The following NRG3 variants were observed in gnomAD, a reference collection of about 807,000 sequenced individuals.
NRG3 encodes pro-neuregulin-3, membrane-bound isoform.
A neutral mutation model predicts 66.9 loss-of-function variants in NRG3; 31 were observed. That is an observed-to-expected ratio of 0.46 (90% CI 0.35 to 0.63). The LOEUF is 0.63. Among genes scored for constraint, NRG3 ranks in the 20% least tolerant of loss-of-function variants. The pLI, the probability that NRG3 is intolerant of heterozygous loss-of-function variation, is 0.00. For missense variants in NRG3, 910 were observed against 878.9 expected (o/e 1.04, Z -0.45); for synonymous variants, 393 against 359.4 (o/e 1.09, Z -1.06).
At chr10:82,235,174 G>A (rs1264557836) in intron 1 of NRG3, among the ~76,000 whole-genome samples, 1 of 152,200 alleles carries the variant, frequency 6.6e-6, no homozygotes, top group Non-Finnish European at 1.5e-5. Flanking sequence ...GTTTTTGTAA[G>A]CAACAAATTT....
intron 2 of NRG3, among the ~76,000 whole-genome samples, chr10:82,380,283 A>G (rs1382605461): frequency 6.6e-6 from 1 of 151,934 alleles, no homozygotes; most frequent in Non-Finnish European, 1.5e-5. Flanking sequence ...TTTGCAATTA[A>G]CGCTGTAGTA....
At chr10:82,316,032 AT>A (rs2081277264) in intron 1 of NRG3, among the ~76,000 whole-genome samples, 1 of 152,090 alleles carries the variant, frequency 6.6e-6, no homozygotes, top group East Asian at 1.9e-4. Context: ...TTCTAAGGAA[AT>A]TCAGTTCTGA....
chr10:81,986,278 T>G lies in NRG3; in HGVS notation c.823+110115T>G, dbSNP rs1473507348. On this transcript the variant is annotated intron_variant, in intron 1 of 8. Transcript: ENST00000372141. ...TGTAACATTCTAGTAAATTTAATAC[T>G]AGTACCCTTAAAATTAACTGATATA... 2.6e-5 allele frequency among the ~76,000 whole-genome samples: 4 copies of G among 152,244 alleles called. No homozygotes were observed. The East Asian group carries it at 7.7e-4, about 29-fold the overall frequency.
At chr10:82,018,535 A>C (rs956070582) in intron 1 of NRG3, among the ~76,000 whole-genome samples, 3 of 152,064 alleles carry the variant, frequency 2.0e-5, no homozygotes, top group Non-Finnish European at 4.4e-5. Flanking sequence ...CAGCATGGCC[A>C]TTTTCATGAT....
intron 1 of NRG3, among the ~76,000 whole-genome samples, chr10:82,145,906 G>C (rs1451383437): frequency 6.6e-6 from 1 of 152,204 alleles, no homozygotes; most frequent in Non-Finnish European, 1.5e-5. Flanking sequence ...GTAGTAACCA[G>C]GGTAAAGAAT....
At chr10:82,490,725 G>T (rs1206753601) in intron 2 of NRG3, among the ~76,000 whole-genome samples, 1 of 152,028 alleles carries the variant, frequency 6.6e-6, no homozygotes, top group African/African-American at 2.4e-5. Flanking sequence ...TCCAGTACTT[G>T]ATTCCTATTC....
At chr10:82,725,785 T>C (rs1414522233) in intron 2 of NRG3, among the ~76,000 whole-genome samples, 4 of 152,192 alleles carry the variant, frequency 2.6e-5, no homozygotes, top group Non-Finnish European at 5.9e-5. Flanking sequence ...ACAGGTGTAC[T>C]GTATTTTACC....
At chr10:82,871,115 T>C (rs1841301029) in intron 4 of NRG3, among the ~76,000 whole-genome samples, 1 of 152,178 alleles carries the variant, frequency 6.6e-6, no homozygotes, top group Non-Finnish European at 1.5e-5. Flanking sequence ...AAGGTCTGTG[T>C]CTAGGTGCAT....
intron 1 of NRG3, among the ~76,000 whole-genome samples, chr10:81,919,732 A>C (rs753476592): frequency 2.6e-5 from 4 of 152,136 alleles, no homozygotes; most frequent in Non-Finnish European, 4.4e-5. Context: ...AAACCAAGGC[A>C]AATGAAGCAC....
intron 2 of NRG3, among the ~76,000 whole-genome samples, chr10:82,611,793 A>T (rs1378653704): frequency 6.6e-6 from 1 of 152,142 alleles, no homozygotes; most frequent in Non-Finnish European, 1.5e-5. Flanking sequence ...CAGTAATAGG[A>T]TCACTGGGTC....
At chr10:82,308,464 A>T (rs780785831) in intron 1 of NRG3, among the ~76,000 whole-genome samples, 1 of 151,940 alleles carries the variant, frequency 6.6e-6, no homozygotes, top group Non-Finnish European at 1.5e-5. Context: ...TATGGCTTCT[A>T]CTTGATTCAG....
chr10:82,572,231 G>A (rs533591832), intron 2 of NRG3, among the ~76,000 whole-genome samples: 2 of 151,014 alleles, frequency 1.3e-5, no homozygotes, highest in Non-Finnish European at 3.0e-5. Flanking sequence ...TCAGCTCCTC[G>A]TGTGTTCTTA....
Position 82,201,192 on chromosome 10 carries a change from G to A in NRG3, c.824-157547G>A, listed in dbSNP as rs1344672502. 9.1e-5 allele frequency among the ~76,000 whole-genome samples: 7 copies of A among 76,938 alleles called. No individual in the cohort carries two copies. In the South Asian group the frequency reaches 3.6e-3, roughly 39 times the overall value. 50.5% of individuals were successfully genotyped at this position (76,938 alleles called of 152,430 possible). A position where few individuals can be genotyped will look rare whatever the true frequency, so the allele number is the denominator to read the frequency against. ...CAGCCTGGTGACAGAGTGAGACTCT[G>A]TCTCAAAAAAAAAAAAAAAAAAAAA... On this transcript the variant is annotated intron_variant, in intron 1 of 8. Transcript: ENST00000372141.
chr10:82,840,243 T>C (rs1327536109), intron 3 of NRG3, among the ~76,000 whole-genome samples: 1 of 152,176 alleles, frequency 6.6e-6, no homozygotes, highest in Non-Finnish European at 1.5e-5. Flanking sequence ...AGTTAACTCC[T>C]TCACTCCCAT....
rs923588653 is a variant in NRG3, at chr10:82,063,358, C to T, written c.823+187195C>T. On this transcript the variant is annotated intron_variant, in intron 1 of 8. Coordinates refer to ENST00000372141, the MANE Select transcript of NRG3 (RefSeq NM_001010848.4). The stretch of plus-strand genomic sequence containing the variant: ...AATAGAAGTATTACAAATATCTTAG[C>T]TTATAATAGCAGACCAAAAGTAATT... Among the ~76,000 whole-genome samples, 7 of 151,702 alleles carry T rather than the reference C, an allele frequency of 4.6e-5. 1 individual carries two copies. The highest frequency in any genetic ancestry group is 3.4e-3 in the Middle Eastern group (1 of 294).
At chr10:82,092,638 A>G (rs1302302455) in intron 1 of NRG3, among the ~76,000 whole-genome samples, 1 of 152,142 alleles carries the variant, frequency 6.6e-6, no homozygotes, top group East Asian at 1.9e-4. Context: ...ATAGCAGGAG[A>G]AGCACTATGA....
intron 1 of NRG3, among the ~76,000 whole-genome samples, chr10:82,192,444 G>A (rs1421833262): frequency 2.0e-5 from 3 of 152,110 alleles, no homozygotes; most frequent in Non-Finnish European, 4.4e-5. Flanking sequence ...ATTGAAAGAG[G>A]GCTGCTGTGG....
intron 1 of NRG3, among the ~76,000 whole-genome samples, chr10:82,032,810 A>G (rs2062629863): frequency 6.6e-6 from 1 of 152,108 alleles, no homozygotes; most frequent in Non-Finnish European, 1.5e-5. Context: ...TAATGGGATC[A>G]TCTTTTATTC....
At chr10:82,150,960 A>T (rs1351624604) in intron 1 of NRG3, among the ~76,000 whole-genome samples, 1 of 152,224 alleles carries the variant, frequency 6.6e-6, no homozygotes, top group Non-Finnish European at 1.5e-5. Context: ...ACAAAACTTG[A>T]GCCTTGTTAG....
Sources: allele counts gnomAD v4.1 joint callset (sites outside exome capture counted in the v4.1 genomes callset), GRCh38; gene constraint gnomAD v4.1.1; transcripts MANE v1.5; gene names NCBI Gene and HGNC (gene_info 2026-07-23, HGNC 2026-07-21).